The following GPM6B variants were observed in gnomAD, a reference collection of about 807,000 sequenced individuals.
GPM6B encodes glycoprotein M6B, also known as neuronal membrane glycoprotein M6-b.
A neutral mutation model predicts 27.2 loss-of-function variants in GPM6B; 4 were observed. The ratio of observed to expected loss-of-function variants is 0.15; its 90% CI spans 0.07 to 0.34. GPM6B has a LOEUF of 0.34. Among genes scored for constraint, GPM6B ranks in the 10% least tolerant of loss-of-function variants. The probability of loss-of-function intolerance (pLI) is 1.00; values close to 1 mark genes in which losing one functional copy is unlikely to be tolerated. For missense variants in GPM6B, 183 were observed against 261.9 expected (o/e 0.70, Z 2.08); for synonymous variants, 124 against 103.1 (o/e 1.20, Z -1.23).
intron 5 of GPM6B, among the ~76,000 whole-genome samples, chrX:13,778,014 G>A (rs934588189): frequency 6.5e-5 from 7 of 108,132 alleles, no homozygotes; most frequent in Admixed American, 4.0e-4. Flanking sequence ...TCTTATAAAC[G>A]TATTAGAAAA....
At chrX:13,810,621 G>A (rs905372932) in intron 1 of GPM6B, among the ~76,000 whole-genome samples, 32 of 110,032 alleles carry the variant, frequency 2.9e-4, no homozygotes, top group African/African-American at 1.0e-3. Flanking sequence ...TAAGTCTCCA[G>A]ATGTTCAGGC....
At chrX:13,886,541 C>A (rs1432039265) in intron 1 of GPM6B, among the ~76,000 whole-genome samples, 2 of 106,885 alleles carry the variant, frequency 1.9e-5, no homozygotes, top group Non-Finnish European at 3.8e-5. Context: ...CACCTCTATA[C>A]CCGAATTTCA....
rs35581266 is a variant in GPM6B at position 13,931,197 on chromosome X, AAAC to A, written c.-198+7127_-198+7129del. ...AGACTGTCTCAAAAAAACAAAAACA[AAAC>A]AACAACAACAACAAATCCCACTTTT... On this transcript the variant is annotated intron_variant, in intron 1 of 6. Coordinates refer to the GPM6B transcript ENST00000398361. Among the ~76,000 whole-genome samples the A allele has an allele frequency of 1.5e-4, 16 of 106,470 alleles. No individual in the cohort carries two copies. The South Asian group carries it at 4.1e-3, about 27-fold the overall frequency. The allele number at this position is 106,470 out of a possible 115,157, so 92.5% of individuals were successfully genotyped here.
At chrX:13,849,458 C>T (rs1483331714) in intron 1 of GPM6B, among the ~76,000 whole-genome samples, 1 of 112,043 alleles carries the variant, frequency 8.9e-6, no homozygotes, top group Non-Finnish European at 1.9e-5. Flanking sequence ...GCCTGGAGGC[C>T]AGATGTGTAC....
intron 1 of GPM6B, among the ~76,000 whole-genome samples, chrX:13,823,058 T>TA (rs1046215189): frequency 3.6e-5 from 4 of 112,278 alleles, no homozygotes; most frequent in Non-Finnish European, 1.9e-5. Flanking sequence ...TGTGGGTTTT[T>TA]AAAAAAATAT....
chrX:13,888,948 G>A (rs190706580), intron 1 of GPM6B: 1 of 111,839 alleles, frequency 8.9e-6, no homozygotes, highest in African/African-American at 3.2e-5. Flanking sequence ...GGAACCTGTA[G>A]GTTTCTCAGG....
chrX:13,838,248 A>C (rs1016836282), intron 1 of GPM6B, among the ~76,000 whole-genome samples: 12 of 112,173 alleles, frequency 1.1e-4, no homozygotes, highest in Non-Finnish European at 1.9e-5. Context: ...TGATGTTGCT[A>C]AAGATGAGTT....
upstream of GPM6B, among the ~76,000 whole-genome samples, chrX:13,819,034 T>C (rs546745343): frequency 1.2e-4 from 13 of 112,455 alleles, 1 homozygote; most frequent in African/African-American, 4.2e-4. Flanking sequence ...GTGATGCTGG[T>C]GAAAAGGCAG....
At chrX:13,843,323 T>G (rs1445932134) in intron 1 of GPM6B, among the ~76,000 whole-genome samples, 2 of 112,386 alleles carry the variant, frequency 1.8e-5, no homozygotes, top group African/African-American at 6.5e-5. Flanking sequence ...ATATACCACA[T>G]TTTGTTGATC....
chrX:13,783,894 G>A, intron 3 of GPM6B: 1 of 339,614 alleles, frequency 2.9e-6, no homozygotes, highest in South Asian at 2.6e-5. Context: ...GCCAGCATCT[G>A]AACCCTGGCC....
intron 1 of GPM6B, among the ~76,000 whole-genome samples, chrX:13,849,445 A>C (rs746279821): frequency 8.9e-6 from 1 of 112,575 alleles, no homozygotes; most frequent in Non-Finnish European, 1.9e-5. Flanking sequence ...AGTCATTGCC[A>C]TTGCCTGGAG....
chrX:13,799,406 T>TA (rs1277970475), intron 2 of GPM6B, among the ~76,000 whole-genome samples: 38 of 103,741 alleles, frequency 3.7e-4, no homozygotes, highest in Non-Finnish European at 5.1e-4. Flanking sequence ...ATTATTATTT[T>TA]TTTTTTAGTA....
intron 1 of GPM6B, among the ~76,000 whole-genome samples, chrX:13,872,838 G>T (rs1193630278): frequency 9.0e-6 from 1 of 111,005 alleles, no homozygotes; most frequent in African/African-American, 3.3e-5. Context: ...TCTTGGAGGA[G>T]GTGTGGGGCA....
intron 1 of GPM6B, among the ~76,000 whole-genome samples, chrX:13,913,958 C>T (rs893563000): frequency 9.1e-6 from 1 of 110,473 alleles, no homozygotes; most frequent in South Asian, 4.0e-4. Flanking sequence ...CGCCATGTTG[C>T]CCAGGCTGGT....
chrX:13,857,304 A>G lies in GPM6B; in HGVS notation c.-197-71496T>C, dbSNP rs1037251334. 2.7e-5 allele frequency among the ~76,000 whole-genome samples: 3 copies of G among 112,392 alleles called. No individual in the cohort carries two copies. The Admixed American group carries it at 2.8e-4, about 11-fold the overall frequency. On this transcript the variant is annotated intron_variant, in intron 1 of 6. Coordinates refer to the GPM6B transcript ENST00000398361. ...CAGCCTACCACAGATAAGACAGAAG[A>G]GAAATTGAATAGAGTGAGGCAATAA...
chrX:13,850,482 T>C (rs948303011), intron 1 of GPM6B, among the ~76,000 whole-genome samples: 1 of 112,652 alleles, frequency 8.9e-6, no homozygotes, highest in South Asian at 3.6e-4. Flanking sequence ...CGTTCCTTTA[T>C]AGCAATACAA....
At chrX:13,930,864 A>C (rs1365135274) in intron 1 of GPM6B, among the ~76,000 whole-genome samples, 2 of 111,913 alleles carry the variant, frequency 1.8e-5, no homozygotes, top group Non-Finnish European at 3.8e-5. Flanking sequence ...AACTGGCTTC[A>C]CTGGTAAATT....
chrX:13,936,128 C>A (rs1420816366), intron 1 of GPM6B, among the ~76,000 whole-genome samples: 2 of 111,484 alleles, frequency 1.8e-5, no homozygotes, highest in East Asian at 5.6e-4. Context: ...GTGATGGCTG[C>A]ACAAATCTGA....
intron 1 of GPM6B, among the ~76,000 whole-genome samples, chrX:13,873,016 T>C (rs1041453701): frequency 2.7e-5 from 3 of 111,109 alleles, no homozygotes; most frequent in African/African-American, 9.8e-5. Context: ...GTGATGATAA[T>C]AGATAAATGT....
Sources: gnomAD v4.1 joint callset for allele counts (sites outside exome capture counted in the v4.1 genomes callset) on GRCh38, gnomAD v4.1.1 for gene constraint, MANE v1.5 for transcripts, NCBI Gene and HGNC (gene_info 2026-07-23, HGNC 2026-07-21) for gene names.